AJAP1: variants seen among roughly 807,000 people sequenced by gnomAD.
AJAP1 encodes the protein adherens junctions associated protein 1, also known as adherens junction-associated protein 1.
AJAP1 carries 5 observed loss-of-function variants against 35.0 expected under a neutral mutation model. The ratio of observed to expected loss-of-function variants is 0.14; its 90% CI spans 0.07 to 0.30. The LOEUF (loss-of-function observed/expected upper bound fraction) is 0.30, where lower values mean the gene tolerates loss of function less well. Among genes scored for constraint, AJAP1 ranks in the 10% least tolerant of loss-of-function variants. The pLI is 1.00. For synonymous variants in AJAP1, 284 were observed against 249.3 expected, an observed-to-expected ratio of 1.14 and a Z score of -1.31; for missense variants, 586 against 571.0, an observed-to-expected ratio of 1.03 and a Z score of -0.27.
Position 4,787,697 on chromosome 1 carries a change from C to A in AJAP1, c.*5212C>A, listed in dbSNP as rs1477531659. On this transcript the variant is annotated 3_prime_UTR_variant, in exon 6 of 6. Coordinates refer to ENST00000378191, the MANE Select transcript of AJAP1 (RefSeq NM_018836.4). ...TGCCCAGCCCCTCCCATGTTGGTCC[C>A]ATCTGTCAGGTTGCCAGGCCAAGCA... The A allele has an allele frequency of 2.2e-6, 1 of 456,176 alleles. No individual in the cohort carries two copies. The highest frequency in any genetic ancestry group is 4.4e-6 in the Non-Finnish European group (1 of 226,918). The allele number at this position is 456,176 out of a possible 1,614,324, so 28.3% of individuals were successfully genotyped here.
At chr1:4,743,331 C>T (rs960845770) in intron 2 of AJAP1, among the ~76,000 whole-genome samples, 14 of 152,094 alleles carry the variant, frequency 9.2e-5, no homozygotes, top group African/African-American at 3.1e-4. Context: ...TGGGGATCAG[C>T]CTGTGGTAGT....
intron 1 of AJAP1, among the ~76,000 whole-genome samples, chr1:4,681,813 C>T (rs1014105832): frequency 3.3e-5 from 5 of 152,160 alleles, no homozygotes; most frequent in African/African-American, 1.2e-4. Context: ...GTGGTGAGCT[C>T]TATGAACTTG....
intron 2 of AJAP1, among the ~76,000 whole-genome samples, chr1:4,729,847 A>G (rs1640758330): frequency 1.3e-5 from 2 of 152,184 alleles, no homozygotes. Flanking sequence ...CACCCTGATC[A>G]CCCAGGATGA....
At chr1:4,663,362 G>C (rs10799252) in intron 1 of AJAP1, among the ~76,000 whole-genome samples, 144,154 of 151,712 alleles carry the variant, frequency 0.95, 68,547 homozygotes, top group African/African-American at 0.98. Flanking sequence ...AAGCACGGGT[G>C]TTGGTGGGTG....
chr1:4,689,096 C>T (rs1310305090), intron 1 of AJAP1, among the ~76,000 whole-genome samples: 1 of 152,088 alleles, frequency 6.6e-6, no homozygotes, highest in Non-Finnish European at 1.5e-5. Context: ...GGACCGTAGC[C>T]TGCGGCTTCG....
In AJAP1 at chr1:4,736,364, C is replaced by T. The variant is rs116037398; in HGVS notation, c.829+23665C>T. Among the ~76,000 whole-genome samples the T allele has an allele frequency of 6.0e-3, 910 of 152,310 alleles. 7 individuals are homozygous for T. The highest frequency in any genetic ancestry group is 0.02 in the African/African-American group (824 of 41,566). On this transcript the variant is annotated intron_variant, in intron 2 of 5. Transcript: ENST00000378191. ...GCCTCCTGTTGCCCGCTGCGCTGTG[C>T]GCAGCCCTCCCTTTCCCACGGTCTT...
At chr1:4,686,348 T>C (rs1434604352) in intron 1 of AJAP1, among the ~76,000 whole-genome samples, 1 of 152,172 alleles carries the variant, frequency 6.6e-6, no homozygotes, top group East Asian at 1.9e-4. Context: ...TTCAAGTTCC[T>C]ACCCTTGATT....
chr1:4,735,065 AC>A (rs1222497956), intron 2 of AJAP1, among the ~76,000 whole-genome samples: 1 of 151,958 alleles, frequency 6.6e-6, no homozygotes, highest in Non-Finnish European at 1.5e-5. Flanking sequence ...GTGCTTGGCG[AC>A]CCTTGAGGGT....
Position 4,712,227 on chromosome 1 carries a change from GC to G in AJAP1, c.362del (p.Pro121GlnfsTer32). On this transcript the variant is annotated frameshift_variant, in exon 2 of 6. Coordinates refer to ENST00000378191, the MANE Select transcript of AJAP1 (RefSeq NM_018836.4). LOFTEE classifies it high-confidence loss of function. ...ALVPKAGLAK[P>X]PAAAKSSPSL... ...TCGTGCCCAAGGCAGGACTGGCCAA[GC>G]CCCCAGCTGCTGCCAAATCCAGCCC... 4 of 1,537,646 alleles carry G rather than the reference GC, an allele frequency of 2.6e-6. No individual in the cohort carries two copies. Among genetic ancestry groups the G allele is most frequent in the Admixed American group, 2.1e-5 (1 of 48,274 alleles).
chr1:4,760,296 C>CG (rs1641534895), intron 2 of AJAP1, among the ~76,000 whole-genome samples: 1 of 150,064 alleles, frequency 6.7e-6, no homozygotes, highest in African/African-American at 2.5e-5. Context: ...TGTGCATGTG[C>CG]GGGCATGAGT....
intron 4 of AJAP1, among the ~76,000 whole-genome samples, chr1:4,774,213 C>A (rs955072610): frequency 6.6e-6 from 1 of 152,228 alleles, no homozygotes; most frequent in African/African-American, 2.4e-5. Flanking sequence ...TCTGTGTCTT[C>A]CAAAGCCTCC....
At chr1:4,714,357 A>G (rs1269555920) in intron 2 of AJAP1, among the ~76,000 whole-genome samples, 2 of 152,188 alleles carry the variant, frequency 1.3e-5, no homozygotes, top group Non-Finnish European at 2.9e-5. Flanking sequence ...GCCTGCTAGC[A>G]GTTTACAGAG....
intron 2 of AJAP1, among the ~76,000 whole-genome samples, chr1:4,715,061 T>TA: frequency 6.6e-6 from 1 of 152,138 alleles, no homozygotes. Flanking sequence ...GGAAAACAAC[T>TA]GTTTAAGCTT....
intron 1 of AJAP1, among the ~76,000 whole-genome samples, chr1:4,679,808 G>GGTGTGTGT (rs60846836): frequency 0.02 from 2,882 of 142,336 alleles, 29 homozygotes; most frequent in East Asian, 0.04. Context: ...GAACCAATAG[G>GGTGTGTGT]GTGTGTGTGT....
In AJAP1 at chr1:4,711,883, C is replaced by CT. The variant is rs1443053997; in HGVS notation, c.30-14dup. On this transcript the variant is annotated splice_polypyrimidine_tract_variant and intron_variant, in intron 1 of 5. Transcript: ENST00000378191. The stretch of plus-strand genomic sequence containing the variant: ...GGCTTCCACTGACCGCTCTTCTCTC[C>CT]TTTCCCCCCCGCACAGCTCCATGTC... The CT allele has an allele frequency of 6.9e-7, 1 of 1,449,398 alleles. No homozygotes were observed. The highest frequency in any genetic ancestry group is 1.5e-5 in the African/African-American group (1 of 67,268). 89.8% of individuals were successfully genotyped at this position (1,449,398 alleles called of 1,614,324 possible).
intron 1 of AJAP1, among the ~76,000 whole-genome samples, chr1:4,690,684 A>C (rs1057444616): frequency 6.6e-6 from 1 of 152,066 alleles, no homozygotes; most frequent in Admixed American, 6.5e-5. Flanking sequence ...CTTAGTGTCC[A>C]TTTTACAGAT....
chr1:4,661,131 G>A (rs962551412), intron 1 of AJAP1, among the ~76,000 whole-genome samples: 1 of 152,170 alleles, frequency 6.6e-6, no homozygotes, highest in African/African-American at 2.4e-5. Flanking sequence ...AAGAACTGGG[G>A]GCTGGGGTGC....
chr1:4,736,144 G>T (rs905850602), intron 2 of AJAP1, among the ~76,000 whole-genome samples: 10 of 152,380 alleles, frequency 6.6e-5, no homozygotes, highest in Admixed American at 6.5e-4. Flanking sequence ...CTGGCACATG[G>T]TAAAGGCTGC....
chr1:4,761,570 T>C (rs1247625189), intron 2 of AJAP1, among the ~76,000 whole-genome samples: 2 of 152,184 alleles, frequency 1.3e-5, no homozygotes, highest in African/African-American at 2.4e-5. Flanking sequence ...GAATCTGTAT[T>C]AGTCAGGGTT....
Sources: gnomAD v4.1 joint callset for allele counts (sites outside exome capture counted in the v4.1 genomes callset) on GRCh38, gnomAD v4.1.1 for gene constraint, MANE v1.5 for transcripts, NCBI Gene and HGNC (gene_info 2026-07-23, HGNC 2026-07-21) for gene names.